Variants in THSD7A observed in about 807,000 individuals in gnomAD.
THSD7A encodes thrombospondin type-1 domain-containing protein 7A.
THSD7A carries 96 observed loss-of-function variants against 231.3 expected under a neutral mutation model. That is an observed-to-expected ratio of 0.41 (90% CI 0.35 to 0.49). THSD7A has a LOEUF of 0.49. Among genes scored for constraint, THSD7A ranks in the 20% least tolerant of loss-of-function variants. THSD7A has a pLI of 0.05. For synonymous variants in THSD7A, 940 were observed against 743.3 expected, an observed-to-expected ratio of 1.26 and a Z score of -4.30; for missense variants, 2,290 against 2,070.2, an observed-to-expected ratio of 1.11 and a Z score of -2.06.
At chr7:11,513,739 T>A (rs867111677) in intron 6 of THSD7A, among the ~76,000 whole-genome samples, 1 of 152,218 alleles carries the variant, frequency 6.6e-6, no homozygotes, top group Non-Finnish European at 1.5e-5. Flanking sequence ...ACATTATGGA[T>A]ATACTAAATG....
At chr7:11,546,446 G>A (rs932820848) in intron 4 of THSD7A, among the ~76,000 whole-genome samples, 30 of 152,178 alleles carry the variant, frequency 2.0e-4, no homozygotes, top group African/African-American at 7.2e-4. Flanking sequence ...GGTCCCCAGT[G>A]TACTGAGCTG....
intron 2 of THSD7A, among the ~76,000 whole-genome samples, chr7:11,601,757 G>T (rs1039809774): frequency 5.3e-5 from 8 of 152,124 alleles, no homozygotes; most frequent in Non-Finnish European, 1.2e-4. Context: ...TTAAGAATTT[G>T]AATGTTTGGT....
Position 11,590,814 on chromosome 7 carries a change from T to A in THSD7A, c.1272-173A>T, listed in dbSNP as rs1780132475. Among the ~76,000 whole-genome samples, 1 of 152,232 alleles carries A rather than the reference T, an allele frequency of 6.6e-6. No individual in the cohort carries two copies. The highest frequency in any genetic ancestry group is 6.5e-5 in the Admixed American group (1 of 15,290). ...GTTTCAACTCCTTTATGCTCTGCAG[T>A]GCTCCATTTAACGAGGGGTTAAATT... is the stretch of plus-strand genomic sequence containing the variant. On this transcript the variant is annotated intron_variant, in intron 3 of 27. Coordinates refer to ENST00000423059, the MANE Select transcript of THSD7A (RefSeq NM_015204.3). The surrounding 1 kb of genome is among the most constrained non-coding windows in gnomAD (Gnocchi z 4.4).
chr7:11,515,259 C>T (rs563566030), intron 6 of THSD7A, among the ~76,000 whole-genome samples: 1 of 152,222 alleles, frequency 6.6e-6, no homozygotes, highest in East Asian at 1.9e-4. Flanking sequence ...ATTAATGTTA[C>T]TTGCTAGGTC....
chr7:11,543,645 C>A (rs1003925028), intron 4 of THSD7A, among the ~76,000 whole-genome samples: 7 of 152,230 alleles, frequency 4.6e-5, no homozygotes, highest in African/African-American at 1.7e-4. Context: ...TCTCTGTACC[C>A]CCCAGCTACA....
At chr7:11,790,587 T>C (rs1046316819) in intron 1 of THSD7A, among the ~76,000 whole-genome samples, 1 of 151,982 alleles carries the variant, frequency 6.6e-6, no homozygotes, top group South Asian at 2.1e-4. Flanking sequence ...TGTTTTTCTA[T>C]TTAAAAATGT....
At chr7:11,645,279 T>C (rs1325726099) in intron 1 of THSD7A, among the ~76,000 whole-genome samples, 2 of 151,846 alleles carry the variant, frequency 1.3e-5, no homozygotes, top group Non-Finnish European at 2.9e-5. Context: ...TTTTTCTCAA[T>C]ATATTTATTT....
intron 1 of THSD7A, among the ~76,000 whole-genome samples, chr7:11,767,091 A>G (rs184190055): frequency 6.6e-6 from 1 of 152,280 alleles, no homozygotes; most frequent in African/African-American, 2.4e-5. Context: ...ATGTGCATGT[A>G]TGTTTCTGTG....
intron 23 of THSD7A, among the ~76,000 whole-genome samples, chr7:11,397,888 A>G (rs1011553651): frequency 1.3e-5 from 2 of 152,230 alleles, no homozygotes; most frequent in African/African-American, 4.8e-5. Flanking sequence ...ATCATTTAAA[A>G]GTCAGGAAAC....
intron 24 of THSD7A, among the ~76,000 whole-genome samples, chr7:11,381,137 C>T (rs963789208): frequency 1.3e-5 from 2 of 152,142 alleles, no homozygotes; most frequent in African/African-American, 4.8e-5. Context: ...ACTTCTGTAA[C>T]ACCTCCTCAT....
intron 1 of THSD7A, among the ~76,000 whole-genome samples, chr7:11,685,074 C>T (rs928498412): frequency 1.3e-5 from 2 of 151,774 alleles, no homozygotes; most frequent in Admixed American, 6.6e-5. Flanking sequence ...AATTTGCACA[C>T]CTCCAACTAA....
chr7:11,390,178 A>C (rs1022043655), intron 23 of THSD7A, among the ~76,000 whole-genome samples: 2 of 152,186 alleles, frequency 1.3e-5, no homozygotes, highest in Admixed American at 6.5e-5. Flanking sequence ...AGGTTGGGGA[A>C]GTTCTCCTGG....
At chr7:11,434,849 G>A (rs1784583662) in intron 13 of THSD7A, among the ~76,000 whole-genome samples, 1 of 151,710 alleles carries the variant, frequency 6.6e-6, no homozygotes, top group African/African-American at 2.4e-5. Context: ...CTGATACCTG[G>A]GGCAACCAAA....
chr7:11,564,417 G>A lies in THSD7A; in HGVS notation c.1454-21300C>T, dbSNP rs117044176. Among the ~76,000 whole-genome samples, 694 of 152,306 alleles carry A rather than the reference G, an allele frequency of 4.6e-3. 2 individuals carry two copies. Among genetic ancestry groups the A allele is most frequent in the Non-Finnish European group, 7.5e-3 (507 of 68,028 alleles). ...TGAATGCTGCGTGTCAGCAAGTTAGGAGGATATTTGAGCGATGGGTCCTGA... is the reference window on the plus strand; with the variant it reads ...TGAATGCTGCGTGTCAGCAAGTTAGAAGGATATTTGAGCGATGGGTCCTGA... On this transcript the variant is annotated intron_variant, in intron 4 of 27. Coordinates refer to ENST00000423059, the MANE Select transcript of THSD7A (RefSeq NM_015204.3).
At chr7:11,733,629 G>A (rs1781810887) in intron 1 of THSD7A, among the ~76,000 whole-genome samples, 1 of 151,752 alleles carries the variant, frequency 6.6e-6, no homozygotes, top group Non-Finnish European at 1.5e-5. Context: ...CAGAAGGCAG[G>A]AAGTGAAGAT....
At chr7:11,624,911 T>C (rs1781431085) in intron 2 of THSD7A, among the ~76,000 whole-genome samples, 1 of 152,140 alleles carries the variant, frequency 6.6e-6, no homozygotes, top group Non-Finnish European at 1.5e-5. Flanking sequence ...TTAATTTTAT[T>C]ATATGGGATC....
At chr7:11,722,842 G>A (rs992963212) in intron 1 of THSD7A, among the ~76,000 whole-genome samples, 1 of 151,996 alleles carries the variant, frequency 6.6e-6, no homozygotes, top group Admixed American at 6.6e-5. Flanking sequence ...TGCTGGAGAG[G>A]ATGTGGAGAA....
Position 11,590,691 on chromosome 7 carries a change from G to A in THSD7A, c.1272-50C>T. 1 of 1,536,404 alleles carries A rather than the reference G, an allele frequency of 6.5e-7. No individual in the cohort carries two copies. Among genetic ancestry groups the A allele is most frequent in the Non-Finnish European group, 8.8e-7 (1 of 1,140,862 alleles). On this transcript the variant is annotated intron_variant, in intron 3 of 27. Coordinates refer to ENST00000423059, the MANE Select transcript of THSD7A (RefSeq NM_015204.3). The surrounding 1 kb of genome is among the most constrained non-coding windows in gnomAD (Gnocchi z 4.4). ...AGCAACCATAATTATTGAATGACGT[G>A]TTTCTCTACTCCTGTCATACTTTGT...
intron 2 of THSD7A, among the ~76,000 whole-genome samples, chr7:11,601,160 A>T (rs1562760156): frequency 6.6e-6 from 1 of 152,094 alleles, no homozygotes; most frequent in Non-Finnish European, 1.5e-5. Flanking sequence ...TACATTTCTT[A>T]TTCTTCCTAA....
Sources: allele counts gnomAD v4.1 joint callset (sites outside exome capture counted in the v4.1 genomes callset), GRCh38; gene constraint gnomAD v4.1.1; non-coding constraint Gnocchi (gnomAD v3.1); transcripts MANE v1.5; gene names NCBI Gene and HGNC (gene_info 2026-07-23, HGNC 2026-07-21).